KCNK2: variants seen among roughly 807,000 people sequenced by gnomAD.
KCNK2 encodes potassium two pore domain channel subfamily K member 2, also known as potassium channel subfamily K member 2.
In KCNK2, 21 loss-of-function variants were observed where a neutral mutation model predicts 40.5. That is an observed-to-expected ratio of 0.52 (90% CI 0.37 to 0.75). The LOEUF is 0.75. Among genes scored for constraint, KCNK2 ranks in the 30% least tolerant of loss-of-function variants. KCNK2 has a pLI of 0.00. For synonymous variants in KCNK2, 191 were observed against 202.2 expected (o/e 0.94, Z 0.47); for missense variants, 399 against 531.6 (o/e 0.75, Z 2.45).
At chr1:215,010,647 C>T (rs1279006476) in intron 1 of KCNK2, among the ~76,000 whole-genome samples, 3 of 152,060 alleles carry the variant, frequency 2.0e-5, no homozygotes, top group African/African-American at 2.4e-5. Flanking sequence ...TTTTGAAACC[C>T]GAGGTAAGAG....
intron 1 of KCNK2, among the ~76,000 whole-genome samples, chr1:215,017,814 T>G (rs1242385139): frequency 6.6e-6 from 1 of 152,154 alleles, no homozygotes; most frequent in Non-Finnish European, 1.5e-5. Flanking sequence ...CATCAAAACA[T>G]TATGTTATAC....
At chr1:215,162,662 A>G (rs1299310871) in intron 3 of KCNK2, among the ~76,000 whole-genome samples, 1 of 152,164 alleles carries the variant, frequency 6.6e-6, no homozygotes, top group African/African-American at 2.4e-5. Flanking sequence ...TCCCAACACC[A>G]TTTATTAAAT....
At chr1:215,032,742 G>A (rs1657248801) in intron 1 of KCNK2, among the ~76,000 whole-genome samples, 1 of 152,014 alleles carries the variant, frequency 6.6e-6, no homozygotes, top group Non-Finnish European at 1.5e-5. Context: ...GAAGTTCGAT[G>A]TAATTATTAT....
At position 215,083,274 on chromosome 1, in the gene KCNK2, A is replaced by G. The variant is rs1659259204; in HGVS notation, c.-112A>G. 7.1e-7 allele frequency: 1 copy of G among 1,418,182 alleles called. No homozygotes were observed. The highest frequency in any genetic ancestry group is 9.4e-7 in the Non-Finnish European group (1 of 1,060,086). 87.8% of individuals were successfully genotyped at this position (1,418,182 alleles called of 1,614,324 possible). On this transcript the variant is annotated 5_prime_UTR_variant, in exon 1 of 7. Transcript: ENST00000444842. Reference sequence around the variant, plus strand: ...AGCCGGGGAAAATGCCTGCCCGTGCAGCTCGGAGCGCGCAGCCCGTCTCTG... The same window carrying G: ...AGCCGGGGAAAATGCCTGCCCGTGCGGCTCGGAGCGCGCAGCCCGTCTCTG...
At chr1:215,052,895 C>G (rs1414181039) in intron 1 of KCNK2, among the ~76,000 whole-genome samples, 1 of 152,102 alleles carries the variant, frequency 6.6e-6, no homozygotes, top group Non-Finnish European at 1.5e-5. Flanking sequence ...GGATATTTCT[C>G]TTGAGTTTTT....
intron 1 of KCNK2, among the ~76,000 whole-genome samples, chr1:215,063,820 A>T (rs1000229401): frequency 3.9e-5 from 6 of 152,154 alleles, no homozygotes; most frequent in African/African-American, 1.2e-4. Flanking sequence ...AACCGGAGGG[A>T]TAGGGTGCCA....
rs191265252 is a variant in KCNK2, at chr1:215,074,745, G to T, written c.35-11623G>T. Among the ~76,000 whole-genome samples the T allele has an allele frequency of 5.0e-3, 754 of 152,244 alleles. 5 individuals carry two copies. The highest frequency in any genetic ancestry group is 6.5e-3 in the Non-Finnish European group (439 of 68,008). ...ATTATCTGACAAATTCATTGTTGGT[G>T]GAGGATTGTCGGTGGAGGATTTACC... On this transcript the variant is annotated intron_variant, in intron 1 of 6. Coordinates refer to the KCNK2 transcript ENST00000391895.
intron 6 of KCNK2, among the ~76,000 whole-genome samples, chr1:215,229,893 C>A (rs544018042): frequency 6.6e-6 from 1 of 151,540 alleles, no homozygotes; most frequent in East Asian, 2.0e-4. Context: ...GATGTTTAGG[C>A]CTTAGAAGTA....
At chr1:215,097,048 A>G (rs539819774) in intron 2 of KCNK2, among the ~76,000 whole-genome samples, 2 of 152,110 alleles carry the variant, frequency 1.3e-5, no homozygotes, top group Non-Finnish European at 2.9e-5. Flanking sequence ...AACAGCAAGC[A>G]GAATAATTAA....
At chr1:215,168,817 A>G (rs1663566267) in intron 3 of KCNK2, among the ~76,000 whole-genome samples, 1 of 152,116 alleles carries the variant, frequency 6.6e-6, no homozygotes, top group African/African-American at 2.4e-5. Flanking sequence ...ATGTATACCT[A>G]GGTAACAAAC....
chr1:215,027,072 T>C (rs1371647104), intron 1 of KCNK2, among the ~76,000 whole-genome samples: 1 of 152,094 alleles, frequency 6.6e-6, no homozygotes, highest in Non-Finnish European at 1.5e-5. Context: ...AAGGAAAAAT[T>C]TATTAAGTCT....
chr1:215,136,238 G>A (rs145950327), intron 3 of KCNK2, among the ~76,000 whole-genome samples: 5,552 of 152,024 alleles, frequency 0.037, 315 homozygotes, highest in African/African-American at 0.12. Context: ...TAGGACTACA[G>A]GTGTGTGCCA....
intron 3 of KCNK2, among the ~76,000 whole-genome samples, chr1:215,136,658 T>TGGTG (rs1490560599): frequency 6.6e-6 from 1 of 152,156 alleles, no homozygotes; most frequent in Non-Finnish European, 1.5e-5. Context: ...CCTTTGCAGG[T>TGGTG]GGTGTTCCAG....
At chr1:215,151,405 C>T (rs1252099132) in intron 3 of KCNK2, among the ~76,000 whole-genome samples, 1 of 152,076 alleles carries the variant, frequency 6.6e-6, no homozygotes, top group African/African-American at 2.4e-5. Flanking sequence ...GTCTGCCTCT[C>T]TCTGTTCAGT....
chr1:215,230,122 C>CACACACACAT, intron 6 of KCNK2, among the ~76,000 whole-genome samples: 1 of 112,764 alleles, frequency 8.9e-6, no homozygotes, highest in Middle Eastern at 4.9e-3. Context: ...CACACACACA[C>CACACACACAT]ACACACACGG....
chr1:215,150,910 A>G (rs1209921398), intron 3 of KCNK2, among the ~76,000 whole-genome samples: 1 of 152,040 alleles, frequency 6.6e-6, no homozygotes, highest in Non-Finnish European at 1.5e-5. Context: ...AAATAGTTGT[A>G]AAATGGATAT....
chr1:215,190,458 G>A (rs1020970265), intron 5 of KCNK2, among the ~76,000 whole-genome samples: 45 of 152,172 alleles, frequency 3.0e-4, no homozygotes, highest in Non-Finnish European at 5.0e-4. Context: ...GGACCACTGG[G>A]TTCAATGAAG....
intron 1 of KCNK2, among the ~76,000 whole-genome samples, chr1:215,031,669 G>A (rs555811922): frequency 1.6e-4 from 25 of 152,154 alleles, no homozygotes; most frequent in African/African-American, 4.8e-4. Context: ...TGAAAATAAA[G>A]GATATTCAAC....
chr1:215,175,267 A>G (rs1186274484), intron 5 of KCNK2, among the ~76,000 whole-genome samples: 2 of 152,114 alleles, frequency 1.3e-5, no homozygotes, highest in East Asian at 3.9e-4. Context: ...ACTTCAACAT[A>G]TCTTGGAGGA....
Sources: gnomAD v4.1 joint callset for allele counts (sites outside exome capture counted in the v4.1 genomes callset) on GRCh38, gnomAD v4.1.1 for gene constraint, MANE v1.5 for transcripts, NCBI Gene and HGNC (gene_info 2026-07-23, HGNC 2026-07-21) for gene names.